NRG1: variants seen among roughly 807,000 people sequenced by gnomAD.
The protein encoded by NRG1 is pro-neuregulin-1, membrane-bound isoform.
NRG1 carries 18 observed loss-of-function variants against 63.8 expected under a neutral mutation model. That is an observed-to-expected ratio of 0.28 (90% CI 0.19 to 0.42). NRG1 has a LOEUF of 0.42. Among genes scored for constraint, NRG1 ranks in the 10% least tolerant of loss-of-function variants. NRG1 has a pLI of 1.00. For missense variants in NRG1, 762 were observed against 814.7 expected (o/e 0.94, Z 0.79); for synonymous variants, 302 against 301.3 (o/e 1.00, Z -0.02).
chr8:31,785,276 A>T (rs1820062219), intron 1 of NRG1, among the ~76,000 whole-genome samples: 1 of 152,124 alleles, frequency 6.6e-6, no homozygotes, highest in African/African-American at 2.4e-5. Flanking sequence ...TCCTTCAAGG[A>T]TTGGCAGTTG....
At chr8:32,280,535 G>T (rs900843848) in intron 1 of NRG1, among the ~76,000 whole-genome samples, 1 of 152,144 alleles carries the variant, frequency 6.6e-6, no homozygotes, top group African/African-American at 2.4e-5. Flanking sequence ...AATTCATAGA[G>T]AGAGAAACTA....
At chr8:32,526,332 T>C (rs1830837643) in intron 1 of NRG1, among the ~76,000 whole-genome samples, 1 of 152,232 alleles carries the variant, frequency 6.6e-6, no homozygotes, top group African/African-American at 2.4e-5. Context: ...GCCACATGGC[T>C]CTCTCTCTAT....
intron 3 of NRG1, among the ~76,000 whole-genome samples, chr8:32,608,083 G>GTTTTTTTTT (rs372730003): frequency 2.0e-5 from 2 of 99,328 alleles, no homozygotes; most frequent in African/African-American, 4.4e-5. Context: ...ATGAACCCAG[G>GTTTTTTTTT]TTTTTTTTGT....
intron 1 of NRG1, among the ~76,000 whole-genome samples, chr8:32,104,475 A>G (rs992907622): frequency 6.6e-6 from 1 of 152,132 alleles, no homozygotes; most frequent in East Asian, 1.9e-4. Context: ...TATTTAGGCT[A>G]CCTATATTTA....
intron 1 of NRG1, among the ~76,000 whole-genome samples, chr8:32,130,169 G>A (rs1265597929): frequency 1.3e-5 from 2 of 151,840 alleles, no homozygotes; most frequent in Non-Finnish European, 2.9e-5. Context: ...CTTCAGGCCT[G>A]TCATTTGTCC....
chr8:31,708,507 G>A (rs1395948307), intron 1 of NRG1, among the ~76,000 whole-genome samples: 2 of 148,840 alleles, frequency 1.3e-5, no homozygotes, highest in Non-Finnish European at 3.0e-5. Flanking sequence ...GTGCAGTGGC[G>A]GGATCTCGGC....
intron 1 of NRG1, among the ~76,000 whole-genome samples, chr8:32,362,692 C>T (rs1458792410): frequency 1.3e-5 from 2 of 152,100 alleles, no homozygotes; most frequent in African/African-American, 2.4e-5. Context: ...TTCACAATCT[C>T]GAGCCAAGTA....
chr8:32,486,750 G>C (rs1356718757), intron 1 of NRG1, among the ~76,000 whole-genome samples: 3 of 151,654 alleles, frequency 2.0e-5, no homozygotes, highest in Non-Finnish European at 2.9e-5. Context: ...TCAGCCTCCT[G>C]AGTAGCTGAG....
intron 1 of NRG1, among the ~76,000 whole-genome samples, chr8:31,869,696 T>C (rs1169189782): frequency 6.6e-6 from 1 of 152,192 alleles, no homozygotes; most frequent in East Asian, 1.9e-4. Context: ...AAGACACTTG[T>C]GATTTCCACC....
chr8:32,422,090 G>A (rs900811386), intron 1 of NRG1, among the ~76,000 whole-genome samples: 3 of 152,008 alleles, frequency 2.0e-5, no homozygotes, highest in Non-Finnish European at 2.9e-5. Context: ...TCATCACTAT[G>A]CAATATATCC....
At chr8:32,070,999 C>A (rs544406076) in intron 1 of NRG1, among the ~76,000 whole-genome samples, 2 of 152,258 alleles carry the variant, frequency 1.3e-5, no homozygotes, top group Admixed American at 1.3e-4. Flanking sequence ...ACTTCGAGGC[C>A]TCACACCTGC....
At chr8:31,750,570 A>G (rs186576977) in intron 1 of NRG1, among the ~76,000 whole-genome samples, 1 of 152,080 alleles carries the variant, frequency 6.6e-6, no homozygotes, top group East Asian at 1.9e-4. Flanking sequence ...AGTAGAGAGA[A>G]CTAAGACCTT....
intron 9 of NRG1, among the ~76,000 whole-genome samples, chr8:32,758,606 G>GAAGAA (rs1179943591): frequency 2.1e-5 from 3 of 139,954 alleles, no homozygotes; most frequent in Non-Finnish European, 4.6e-5. Context: ...AAAAAAAGGA[G>GAAGAA]AAGAAAAGAA....
intron 1 of NRG1, among the ~76,000 whole-genome samples, chr8:31,787,272 C>G (rs1464920021): frequency 3.9e-5 from 6 of 152,184 alleles, no homozygotes; most frequent in Non-Finnish European, 7.3e-5. Flanking sequence ...TTTTAGAGAT[C>G]TATTGCATTT....
chr8:32,540,254 A>G (rs1832448328), intron 1 of NRG1, among the ~76,000 whole-genome samples: 1 of 152,182 alleles, frequency 6.6e-6, no homozygotes, highest in Non-Finnish European at 1.5e-5. Context: ...AAGGAAAAAA[A>G]ATGAGTTGAG....
chr8:32,158,448 GATAT>G lies in NRG1; in HGVS notation c.38-437359_38-437356del, dbSNP rs36087607. On this transcript the variant is annotated intron_variant, in intron 1 of 10. Transcript: ENST00000519301. Reference sequence around the variant, plus strand: ...TCGTTTCTCTTTGTTTGGTTTACATGATATATATATATATATATATATATCATGT... The same window carrying G: ...TCGTTTCTCTTTGTTTGGTTTACATGATATATATATATATATATATCATGT... 9.2e-3 allele frequency among the ~76,000 whole-genome samples: 575 copies of G among 62,186 alleles called. 53 individuals carry two copies. The highest frequency in any genetic ancestry group is 0.069 in the South Asian group (97 of 1,412). 40.8% of individuals were successfully genotyped at this position (62,186 alleles called of 152,430 possible).
At chr8:32,661,301 T>G (rs1802788728) in intron 5 of NRG1, among the ~76,000 whole-genome samples, 1 of 152,246 alleles carries the variant, frequency 6.6e-6, no homozygotes, top group African/African-American at 2.4e-5. Flanking sequence ...TGCAAAGGCT[T>G]TGAATTCTGC....
At chr8:31,645,104 C>G (rs921848532) in intron 1 of NRG1, among the ~76,000 whole-genome samples, 2 of 152,114 alleles carry the variant, frequency 1.3e-5, no homozygotes, top group African/African-American at 2.4e-5. Flanking sequence ...CAGTTTTCAA[C>G]CAATATATGA....
intron 1 of NRG1, among the ~76,000 whole-genome samples, chr8:31,716,415 G>T (rs1227239369): frequency 6.6e-6 from 1 of 152,188 alleles, no homozygotes; most frequent in Non-Finnish European, 1.5e-5. Context: ...TTTTCCTTCA[G>T]AAGCGCATCT....
Sources: gnomAD v4.1 joint callset for allele counts (sites outside exome capture counted in the v4.1 genomes callset) on GRCh38, gnomAD v4.1.1 for gene constraint, MANE v1.5 for transcripts, NCBI Gene and HGNC (gene_info 2026-07-23, HGNC 2026-07-21) for gene names.